Variants in MAF observed in about 807,000 individuals in gnomAD.
The protein encoded by MAF is transcription factor Maf.
MAF carries 10 observed loss-of-function variants against 22.0 expected under a neutral mutation model. The observed-to-expected ratio is 0.45, with a 90% CI of 0.28 to 0.77. The LOEUF is 0.77. Among genes scored for constraint, MAF ranks in the 30% least tolerant of loss-of-function variants. The pLI is 0.12. For missense variants in MAF, 544 were observed against 548.4 expected, an observed-to-expected ratio of 0.99 and a Z score of 0.08; for synonymous variants, 337 against 255.8, an observed-to-expected ratio of 1.32 and a Z score of -3.03.
the MAF span, among the ~76,000 whole-genome samples, chr16:79,441,725 C>G: frequency 2.6e-5 from 4 of 152,146 alleles, no homozygotes; most frequent in African/African-American, 7.2e-5. Context: ...CCTTCCATAG[C>G]AAGAAGAAAG....
At chr16:79,210,125 A>G in the MAF span, among the ~76,000 whole-genome samples, 30,425 of 151,988 alleles carry the variant, frequency 0.2, 3,303 homozygotes, top group East Asian at 0.32. Flanking sequence ...TCTTTGTCTC[A>G]CTCACGGTCC....
At chr16:79,306,720 C>G in the MAF span, among the ~76,000 whole-genome samples, 1 of 152,176 alleles carries the variant, frequency 6.6e-6, no homozygotes, top group Non-Finnish European at 1.5e-5. Context: ...TCATCACTTT[C>G]GTTCTTATCT....
chr16:79,452,549 TC>T, the MAF span, among the ~76,000 whole-genome samples: 1 of 152,200 alleles, frequency 6.6e-6, no homozygotes, highest in Non-Finnish European at 1.5e-5. Context: ...TGACTTTTTT[TC>T]AGTAAAATTT....
chr16:79,569,848 G>T, the MAF span, among the ~76,000 whole-genome samples: 3 of 152,146 alleles, frequency 2.0e-5, no homozygotes, highest in African/African-American at 7.2e-5. Context: ...CCGGCTCTTA[G>T]GGAGGCAGGG....
chr16:79,256,120 T>G, the MAF span, among the ~76,000 whole-genome samples: 4 of 151,612 alleles, frequency 2.6e-5, no homozygotes, highest in Non-Finnish European at 5.9e-5. Flanking sequence ...TAGCTGGGAC[T>G]ACAGGCACAT....
the MAF span, among the ~76,000 whole-genome samples, chr16:79,439,246 G>A: frequency 2.6e-5 from 4 of 151,086 alleles, no homozygotes; most frequent in African/African-American, 4.9e-5. Flanking sequence ...GTCCTATGGG[G>A]TAGGTACTTA....
chr16:79,546,440 C>A, the MAF span, among the ~76,000 whole-genome samples: 1 of 152,054 alleles, frequency 6.6e-6, no homozygotes, highest in African/African-American at 2.4e-5. Flanking sequence ...AAAGTTTTGA[C>A]AATTTTGAAA....
chr16:79,560,659 C>T, the MAF span, among the ~76,000 whole-genome samples: 2 of 152,072 alleles, frequency 1.3e-5, no homozygotes, highest in African/African-American at 2.4e-5. Flanking sequence ...TGAAAATCCT[C>T]CTGAGGAATT....
the MAF span, among the ~76,000 whole-genome samples, chr16:79,550,685 T>C: frequency 1.3e-5 from 2 of 152,198 alleles, no homozygotes; most frequent in Non-Finnish European, 2.9e-5. Flanking sequence ...TCTCACCGCC[T>C]GTTATTGCTG....
the MAF span, among the ~76,000 whole-genome samples, chr16:79,349,208 G>A: frequency 6.6e-6 from 1 of 152,204 alleles, no homozygotes; most frequent in Non-Finnish European, 1.5e-5. Context: ...TGAAAGGGCA[G>A]CAGAGCTGGG....
At chr16:79,407,231 C>A in the MAF span, among the ~76,000 whole-genome samples, 40 of 152,238 alleles carry the variant, frequency 2.6e-4, no homozygotes, top group East Asian at 7.7e-3. Flanking sequence ...GGACGCGTTG[C>A]GCAAGGAGTG....
the MAF span, among the ~76,000 whole-genome samples, chr16:79,345,160 CCTG>C: frequency 6.6e-6 from 1 of 151,910 alleles, no homozygotes; most frequent in African/African-American, 2.4e-5. Flanking sequence ...TTTTCCCTAA[CCTG>C]CTGAATGATT....
the MAF span, among the ~76,000 whole-genome samples, chr16:79,208,342 C>G: frequency 6.6e-6 from 1 of 151,418 alleles, no homozygotes; most frequent in Non-Finnish European, 1.5e-5. Flanking sequence ...GATTAGCAAC[C>G]ATATACAACC....
At chr16:79,204,831 A>T in the MAF span, 2 of 152,178 alleles carry the variant, frequency 1.3e-5, no homozygotes, top group Non-Finnish European at 2.9e-5. Flanking sequence ...CCAGCTTTCC[A>T]TCCTGAACCT....
At chr16:79,484,109 T>C in the MAF span, among the ~76,000 whole-genome samples, 1 of 152,188 alleles carries the variant, frequency 6.6e-6, no homozygotes, top group East Asian at 1.9e-4. Flanking sequence ...ACAGCACCCC[T>C]TGATGGGGTC....
chr16:79,571,417 T>C, the MAF span, among the ~76,000 whole-genome samples: 1 of 152,104 alleles, frequency 6.6e-6, no homozygotes, highest in South Asian at 2.1e-4. Flanking sequence ...CCTAAATTTA[T>C]GGAGGTGGTA....
the MAF span, among the ~76,000 whole-genome samples, chr16:79,427,094 T>C: frequency 6.6e-6 from 1 of 152,168 alleles, no homozygotes; most frequent in Non-Finnish European, 1.5e-5. Flanking sequence ...TCCTAATCTG[T>C]TGTGAGGACC....
the MAF span, among the ~76,000 whole-genome samples, chr16:79,576,510 T>C: frequency 6.6e-6 from 1 of 152,232 alleles, no homozygotes; most frequent in Middle Eastern, 3.4e-3. Context: ...ACCACAAAAC[T>C]CCCTAAGCAC....
the MAF span, among the ~76,000 whole-genome samples, chr16:79,471,585 G>T: frequency 6.6e-6 from 1 of 152,182 alleles, no homozygotes; most frequent in East Asian, 1.9e-4. Context: ...GCTGAGGTAG[G>T]AGGATGGCTC....
Sources: allele counts gnomAD v4.1 joint callset (sites outside exome capture counted in the v4.1 genomes callset), GRCh38; gene constraint gnomAD v4.1.1; transcripts MANE v1.5; gene names NCBI Gene and HGNC (gene_info 2026-07-23, HGNC 2026-07-21).